The following SIMC1 variants were observed in gnomAD, a reference collection of about 807,000 sequenced individuals.
SIMC1 encodes the protein SUMO interacting motifs containing 1, also known as SUMO-interacting motif-containing protein 1.
SIMC1 carries 55 observed loss-of-function variants against 82.3 expected under a neutral mutation model. The observed-to-expected ratio is 0.67, with a 90% CI of 0.54 to 0.84. SIMC1 has a LOEUF of 0.84. SIMC1 is among the 40% of genes least tolerant of loss of function. The pLI is 0.00. For missense variants in SIMC1, 915 were observed against 1,107.2 expected (o/e 0.83, Z 2.46); for synonymous variants, 353 against 426.3 (o/e 0.83, Z 2.12).
intron 4 of SIMC1, among the ~76,000 whole-genome samples, chr5:176,305,136 A>G (rs915727816): frequency 0.17 from 5,270 of 31,366 alleles, 36 homozygotes; most frequent in Non-Finnish European, 0.18. Flanking sequence ...GCCATCCAGG[A>G]GGGGGGGGGG....
chr5:176,248,528 AAT>A (rs1212554616), intron 1 of SIMC1, among the ~76,000 whole-genome samples: 2 of 152,084 alleles, frequency 1.3e-5, no homozygotes, highest in Admixed American at 1.3e-4. Flanking sequence ...AGTGTTTCTA[AAT>A]ATACAATCAT....
intron 1 of SIMC1, among the ~76,000 whole-genome samples, chr5:176,258,002 A>G (rs1027777253): frequency 4.8e-4 from 73 of 152,230 alleles, no homozygotes; most frequent in African/African-American, 1.7e-3. Context: ...CGTTAGTTTT[A>G]TAAGTTAATT....
rs373962012 is a variant in SIMC1 at position 176,290,801 on chromosome 5, A to G, written c.1277A>G (p.Glu426Gly). ...GCCAGAAAAGAAATATCACTGTCAG[A>G]GCCTGCCAAACCTGGGTCTGCCCAC... ...TPARKEISLSEPAKPGSAHVQ... is the reference protein window; with the variant it reads ...TPARKEISLSGPAKPGSAHVQ... The change falls in exon 2 of 10, where the codon GAG becomes GGG. Residue 426 changes from glutamate to glycine, a missense_variant. Physicochemically the swap from Glu to Gly is moderately conservative, Grantham distance 98. This residue lies in a region of SIMC1 where 902 missense variants were observed against 1,040.3 expected (regional missense o/e 0.87). Coordinates refer to ENST00000429602, the MANE Select transcript of SIMC1 (RefSeq NM_001308195.2). 1.9e-5 allele frequency: 30 copies of G among 1,613,418 alleles called. No homozygotes were observed. The highest frequency in any genetic ancestry group is 2.5e-5 in the Non-Finnish European group (30 of 1,179,566).
chr5:176,268,828 T>G (rs1466167405), intron 1 of SIMC1, among the ~76,000 whole-genome samples: 1 of 152,194 alleles, frequency 6.6e-6, no homozygotes, highest in Admixed American at 6.5e-5. Context: ...ATGACCTGAT[T>G]GATATTTATA....
chr5:176,345,597 T>G lies in SIMC1; in HGVS notation c.*152T>G, dbSNP rs967729220. 2.5e-6 allele frequency: 2 copies of G among 796,018 alleles called. No homozygotes were observed. Among genetic ancestry groups the G allele is most frequent in the Non-Finnish European group, 3.7e-6 (2 of 537,732 alleles). The allele number at this position is 796,018 out of a possible 1,614,324, so 49.3% of individuals were successfully genotyped here. ...TTGTAATTTCTAACTCTAGTAAATATCTTTTTTTAAATAATCCTATCCTAG... is the reference window on the plus strand; with the variant it reads ...TTGTAATTTCTAACTCTAGTAAATAGCTTTTTTTAAATAATCCTATCCTAG... On this transcript the variant is annotated 3_prime_UTR_variant, in exon 10 of 10. Transcript: ENST00000429602.
chr5:176,345,012 C>G (rs417852), intron 9 of SIMC1, among the ~76,000 whole-genome samples, 171 bp from the exon 10 acceptor site: 80,629 of 151,756 alleles, frequency 0.53, 21,607 homozygotes, highest in Non-Finnish European at 0.58. Flanking sequence ...GAACTGAGAA[C>G]AAAGGGCCTT....
At position 176,273,650 on chromosome 5, in the gene SIMC1, CCCCCTCACCTCA is replaced by C. The variant is rs564564478; in HGVS notation, c.130-15999_130-15988del. Among the ~76,000 whole-genome samples, 558 of 152,246 alleles carry C rather than the reference CCCCCTCACCTCA, an allele frequency of 3.7e-3. 3 individuals carry two copies. Among genetic ancestry groups the C allele is most frequent in the African/African-American group, 0.013 (532 of 41,532 alleles). ...GGTATATCTCCCAATGCTATCCCTC[CCCCCTCACCTCA>C]CCCCACAACAGTCCCCAGAGTGTGA... is the stretch of plus-strand genomic sequence containing the variant. On this transcript the variant is annotated intron_variant, in intron 1 of 9. Coordinates refer to ENST00000429602, the MANE Select transcript of SIMC1 (RefSeq NM_001308195.2).
At chr5:176,276,717 G>A (rs373835942) in intron 1 of SIMC1, among the ~76,000 whole-genome samples, 3 of 143,400 alleles carry the variant, frequency 2.1e-5, no homozygotes, top group African/African-American at 5.2e-5. Context: ...TTGTTCTTGC[G>A]ATAGTTTACT....
intron 9 of SIMC1, among the ~76,000 whole-genome samples, chr5:176,338,103 G>A (rs1389924150): frequency 2.6e-5 from 4 of 152,208 alleles, no homozygotes; most frequent in Admixed American, 2.0e-4. Flanking sequence ...GCATCATCAT[G>A]TATGTAATGT....
At chr5:176,337,595 AG>A (rs749654993) in intron 9 of SIMC1, among the ~76,000 whole-genome samples, 1 of 152,178 alleles carries the variant, frequency 6.6e-6, no homozygotes, top group Non-Finnish European at 1.5e-5. Flanking sequence ...CCCTGTCTCA[AG>A]GGGGGCGGAA....
At chr5:176,298,770 C>T (rs1296295791) in intron 4 of SIMC1, among the ~76,000 whole-genome samples, 1 of 152,030 alleles carries the variant, frequency 6.6e-6, no homozygotes, top group Non-Finnish European at 1.5e-5. Flanking sequence ...AACTTTAAGA[C>T]ATGTTATGTG....
intron 4 of SIMC1, chr5:176,313,236 A>AAT: frequency 6.7e-6 from 9 of 1,344,710 alleles, no homozygotes; most frequent in Non-Finnish European, 8.7e-6. Context: ...AGGAGTCATT[A>AAT]AAGAACCAGT....
intron 1 of SIMC1, among the ~76,000 whole-genome samples, chr5:176,283,860 G>A (rs1763133343): frequency 6.6e-6 from 1 of 152,136 alleles, no homozygotes; most frequent in African/African-American, 2.4e-5. Flanking sequence ...ACAAAAAAAG[G>A]CAGGGGTTGC....
rs746553787 is a variant in SIMC1, at chr5:176,289,973, G to A, written c.449G>A (p.Ser150Asn). Residue 150 changes from serine to asparagine, a missense_variant, in exon 2 of 10, where the codon AGT (serine) becomes AAT (asparagine). This residue lies in a region of SIMC1 where 902 missense variants were observed against 1,040.3 expected (regional missense o/e 0.87). Coordinates refer to ENST00000429602, the MANE Select transcript of SIMC1 (RefSeq NM_001308195.2). ...GGTCCCCCACCCGCTACATCCATCA[G>A]TGGAGGCTCTGTTTATCCAACAGAG... ...FVGPPPATSI[S>N]GGSVYPTEPN... The A allele has an allele frequency of 3.1e-6, 5 of 1,613,878 alleles. No individual in the cohort carries two copies. The highest frequency in any genetic ancestry group is 4.2e-6 in the Non-Finnish European group (5 of 1,179,824).
chr5:176,317,464 G>A (rs1056511479), intron 5 of SIMC1, among the ~76,000 whole-genome samples: 5 of 151,974 alleles, frequency 3.3e-5, no homozygotes, highest in Non-Finnish European at 1.5e-5. Flanking sequence ...CCCCCATATG[G>A]CAAAATAACA....
chr5:176,253,374 G>A (rs1430554358), intron 1 of SIMC1, among the ~76,000 whole-genome samples: 3 of 151,890 alleles, frequency 2.0e-5, no homozygotes, highest in Non-Finnish European at 4.4e-5. Context: ...GATACTCCTC[G>A]AGAATTTTTT....
chr5:176,289,173 A>G (rs1763434143), intron 1 of SIMC1, among the ~76,000 whole-genome samples: 1 of 152,184 alleles, frequency 6.6e-6, no homozygotes, highest in African/African-American at 2.4e-5. Flanking sequence ...TCTGAACTCT[A>G]GTTTCCCCAT....
At chr5:176,325,872 T>C (rs1765373244) in intron 7 of SIMC1, among the ~76,000 whole-genome samples, 1 of 152,098 alleles carries the variant, frequency 6.6e-6, no homozygotes, top group African/African-American at 2.4e-5. Flanking sequence ...GACACAAGAA[T>C]GAAAAGAGTT....
At chr5:176,295,980 G>C in intron 3 of SIMC1, 1 of 528,228 alleles carries the variant, frequency 1.9e-6, no homozygotes, top group Non-Finnish European at 3.3e-6. Context: ...GTTCTGGTAG[G>C]TAAAACTAGT....
Sources: allele counts gnomAD v4.1 joint callset (sites outside exome capture counted in the v4.1 genomes callset), GRCh38; gene constraint gnomAD v4.1.1; regional missense constraint gnomAD v4.1.1; transcripts MANE v1.5; gene names NCBI Gene and HGNC (gene_info 2026-07-23, HGNC 2026-07-21).